The following RALYL variants were observed in gnomAD, a reference collection of about 807,000 sequenced individuals.
The protein encoded by RALYL is RALY RNA binding protein like, also known as RNA-binding Raly-like protein.
A neutral mutation model predicts 35.1 loss-of-function variants in RALYL; 29 were observed. The observed-to-expected ratio is 0.83, with a 90% confidence interval of 0.61 to 1.13. RALYL has a LOEUF of 1.13. Ranked by LOEUF, RALYL falls within the 50% of genes most tolerant of loss-of-function variation. The pLI, the probability that RALYL is intolerant of heterozygous loss-of-function variation, is 0.00. For synonymous variants in RALYL, 120 were observed against 127.6 expected (o/e 0.94, Z 0.40); for missense variants, 359 against 360.4 (o/e 1.00, Z 0.03).
intron 4 of RALYL, among the ~76,000 whole-genome samples, chr8:84,805,320 A>G (rs1325078020): frequency 6.6e-6 from 1 of 152,180 alleles, no homozygotes; most frequent in Non-Finnish European, 1.5e-5. Context: ...AGGAACCCTG[A>G]GGCAAATTTA....
At chr8:84,385,788 C>A (rs73298773) in intron 1 of RALYL, among the ~76,000 whole-genome samples, 4,293 of 151,886 alleles carry the variant, frequency 0.028, 199 homozygotes, top group African/African-American at 0.098. Flanking sequence ...TCTCACAGAC[C>A]ACACTTAGTA....
chr8:84,735,580 A>G (rs1373938049), intron 2 of RALYL, among the ~76,000 whole-genome samples: 1 of 151,986 alleles, frequency 6.6e-6, no homozygotes, highest in Admixed American at 6.6e-5. Context: ...CTAGTTTTAG[A>G]CAAATGTTCC....
At chr8:84,669,435 G>A (rs112991990) in intron 2 of RALYL, among the ~76,000 whole-genome samples, 13 of 149,368 alleles carry the variant, frequency 8.7e-5, no homozygotes, top group African/African-American at 2.9e-4. Flanking sequence ...TCCAGGTAGT[G>A]AGCATAGTCC....
chr8:84,772,361 T>G (rs1402676927), intron 2 of RALYL, among the ~76,000 whole-genome samples: 1 of 152,076 alleles, frequency 6.6e-6, no homozygotes, highest in Non-Finnish European at 1.5e-5. Flanking sequence ...AAATTCAGAA[T>G]CAGCTTGTCA....
chr8:84,235,669 T>G (rs60761813), intron 1 of RALYL, among the ~76,000 whole-genome samples: 16,176 of 152,200 alleles, frequency 0.11, 1,717 homozygotes, highest in African/African-American at 0.28. Context: ...TTAGTAATAT[T>G]TTTAGTACAT....
At chr8:84,193,522 A>G (rs1472446842) in intron 1 of RALYL, among the ~76,000 whole-genome samples, 1 of 152,212 alleles carries the variant, frequency 6.6e-6, no homozygotes, top group Non-Finnish European at 1.5e-5. Context: ...CTGGAGGATG[A>G]GGATTCTGTG....
At chr8:84,400,667 T>A (rs1164137214) in intron 1 of RALYL, among the ~76,000 whole-genome samples, 1 of 152,104 alleles carries the variant, frequency 6.6e-6, no homozygotes, top group Non-Finnish European at 1.5e-5. Flanking sequence ...ACATGAGTCA[T>A]TTTTCAAGGG....
At chr8:84,582,274 A>G (rs1045942564) in intron 2 of RALYL, among the ~76,000 whole-genome samples, 12 of 152,154 alleles carry the variant, frequency 7.9e-5, no homozygotes, top group Non-Finnish European at 2.9e-5. Context: ...AAAATTGGTT[A>G]ATTTTACCTA....
chr8:84,853,787 C>A (rs1836364569), intron 5 of RALYL, among the ~76,000 whole-genome samples: 2 of 152,096 alleles, frequency 1.3e-5, no homozygotes, highest in Non-Finnish European at 1.5e-5. Context: ...AGAGTCACTA[C>A]TAATCCACAG....
At chr8:84,311,090 A>AAAAAAAAAAAAAAAAAAAAAT (rs1554614840) in intron 1 of RALYL, among the ~76,000 whole-genome samples, 4 of 99,768 alleles carry the variant, frequency 4.0e-5, no homozygotes, top group African/African-American at 7.1e-5. Context: ...AAAAAAAAAA[A>AAAAAAAAAAAAAAAAAAAAAT]ATGTATATTA....
chr8:84,857,531 T>A lies in RALYL; in HGVS notation c.414-4765T>A, dbSNP rs528471237. Among the ~76,000 whole-genome samples, 3 of 152,350 alleles carry A rather than the reference T, an allele frequency of 2.0e-5. No homozygotes were observed. In the East Asian group the frequency reaches 5.8e-4, roughly 29 times the overall value. On this transcript the variant is annotated intron_variant, in intron 5 of 8. Coordinates refer to ENST00000521268, the MANE Select transcript of RALYL (RefSeq NM_173848.7). ...ACATATTACATTTTTCAGTTTCTTT[T>A]CTTGTGTTTTAAACCACGTTTGTTG...
At chr8:84,583,954 A>G (rs578069983) in intron 2 of RALYL, among the ~76,000 whole-genome samples, 1 of 151,964 alleles carries the variant, frequency 6.6e-6, no homozygotes, top group Non-Finnish European at 1.5e-5. Context: ...ATATTTTTAA[A>G]TTTTTTTATT....
chr8:84,397,635 T>G (rs1431096710), intron 1 of RALYL, among the ~76,000 whole-genome samples: 1 of 152,194 alleles, frequency 6.6e-6, no homozygotes, highest in Non-Finnish European at 1.5e-5. Flanking sequence ...TCCTTTTAAC[T>G]GAATCCCCAG....
At chr8:84,366,763 C>CAAAAA (rs1166208925) in intron 1 of RALYL, among the ~76,000 whole-genome samples, 936 of 56,606 alleles carry the variant, frequency 0.017, 100 homozygotes, top group Non-Finnish European at 0.017. Flanking sequence ...ATTTTTGTCT[C>CAAAAA]AAAAAAAAAA....
At chr8:84,889,606 T>C (rs1459838785) in intron 8 of RALYL, among the ~76,000 whole-genome samples, 3 of 152,192 alleles carry the variant, frequency 2.0e-5, no homozygotes. Context: ...ATATTATCTA[T>C]AGGCCAAGAT....
chr8:84,420,181 A>G (rs2132363004), intron 1 of RALYL, among the ~76,000 whole-genome samples: 2 of 151,908 alleles, frequency 1.3e-5, no homozygotes, highest in East Asian at 3.9e-4. Context: ...AAGTGTTCCT[A>G]TTTCTCCACA....
intron 1 of RALYL, among the ~76,000 whole-genome samples, chr8:84,270,722 AATG>A (rs1586675267): frequency 6.6e-6 from 1 of 152,196 alleles, no homozygotes; most frequent in Non-Finnish European, 1.5e-5. Context: ...TAATATTAAA[AATG>A]AGGAAGTGAA....
At chr8:84,543,603 A>G (rs934898909) in intron 2 of RALYL, among the ~76,000 whole-genome samples, 11 of 152,116 alleles carry the variant, frequency 7.2e-5, no homozygotes, top group African/African-American at 2.7e-4. Context: ...CAGGGATTAA[A>G]CATAGTAGAT....
chr8:84,403,537 T>TG (rs1195794635), intron 1 of RALYL, among the ~76,000 whole-genome samples: 2 of 133,862 alleles, frequency 1.5e-5, no homozygotes, highest in African/African-American at 6.5e-5. Context: ...TTTTTTTTTT[T>TG]TTTTTTTTTT....
Sources: allele counts gnomAD v4.1 joint callset (sites outside exome capture counted in the v4.1 genomes callset), GRCh38; gene constraint gnomAD v4.1.1; transcripts MANE v1.5; gene names NCBI Gene and HGNC (gene_info 2026-07-23, HGNC 2026-07-21).